RBFOX1: variants seen among roughly 807,000 people sequenced by gnomAD.
RBFOX1 encodes RNA binding protein fox-1 homolog 1.
A neutral mutation model predicts 57.7 loss-of-function variants in RBFOX1; 8 were observed. The observed-to-expected ratio is 0.14, with a 90% CI of 0.08 to 0.25. The LOEUF (loss-of-function observed/expected upper bound fraction) is 0.25, where lower values mean the gene tolerates loss of function less well. Ranked by LOEUF, RBFOX1 falls within the 10% of genes least tolerant of loss-of-function variation. The pLI, the probability that RBFOX1 is intolerant of heterozygous loss-of-function variation, is 1.00. For synonymous variants in RBFOX1, 326 were observed against 222.4 expected (o/e 1.47, Z -4.15); for missense variants, 611 against 548.5 (o/e 1.11, Z -1.14).
In RBFOX1 at chr16:7,329,922, A is replaced by G. The variant is rs1473948519; in HGVS notation, c.28-188225A>G. Among the ~76,000 whole-genome samples, 5 of 152,322 alleles carry G rather than the reference A, an allele frequency of 3.3e-5. No individual in the cohort carries two copies. The South Asian group carries it at 6.2e-4, about 19-fold the overall frequency. On this transcript the variant is annotated intron_variant, in intron 4 of 15. Transcript: ENST00000550418. ...TCAGCAGATTCTTTTATATATAAGC[A>G]TATATACACACAGTCACGTGTCCCT... is the stretch of plus-strand genomic sequence containing the variant.
At chr16:5,634,789 C>T (rs529231931) in intron 3 of RBFOX1, among the ~76,000 whole-genome samples, 2 of 152,250 alleles carry the variant, frequency 1.3e-5, no homozygotes, top group East Asian at 3.9e-4. Flanking sequence ...AGATTCTGTC[C>T]AGATGGCATA....
intron 1 of RBFOX1, among the ~76,000 whole-genome samples, chr16:6,195,547 A>G (rs1292523131): frequency 6.6e-6 from 1 of 152,060 alleles, no homozygotes; most frequent in African/African-American, 2.4e-5. Context: ...GAGAAACCCC[A>G]TGTCTACTAA....
At chr16:6,175,819 C>T (rs1008507531) in intron 1 of RBFOX1, among the ~76,000 whole-genome samples, 1 of 152,042 alleles carries the variant, frequency 6.6e-6, no homozygotes, top group Non-Finnish European at 1.5e-5. Context: ...GAAGAGGACC[C>T]ACACGGGGAC....
chr16:7,655,888 T>C (rs1407584204), intron 12 of RBFOX1, among the ~76,000 whole-genome samples: 4 of 152,190 alleles, frequency 2.6e-5, no homozygotes, highest in Admixed American at 6.5e-5. Context: ...AAAATCAAAA[T>C]TAAATTAGCT....
At chr16:5,515,768 C>T (rs924815827) in intron 2 of RBFOX1, among the ~76,000 whole-genome samples, 1 of 152,136 alleles carries the variant, frequency 6.6e-6, no homozygotes, top group Non-Finnish European at 1.5e-5. Flanking sequence ...GACTTGCTGC[C>T]TCTTGAAAAG....
At chr16:7,113,500 C>G (rs576851594) in intron 4 of RBFOX1, among the ~76,000 whole-genome samples, 1 of 152,228 alleles carries the variant, frequency 6.6e-6, no homozygotes, top group South Asian at 2.1e-4. Context: ...GAATCAGATT[C>G]CATTGCTGAT....
In RBFOX1 at chr16:6,944,558, C is replaced by T. The variant is rs560421676; in HGVS notation, c.-15-107499C>T. ...ACGATCTGGTATATTTTGTAGACCT[C>T]TTAGGAAATGTGTACATTAAGAGAC... is the stretch of plus-strand genomic sequence containing the variant. On this transcript the variant is annotated intron_variant, in intron 3 of 15. Transcript: ENST00000550418. 2.0e-3 allele frequency among the ~76,000 whole-genome samples: 298 copies of T among 152,224 alleles called. 1 individual carries two copies. Among genetic ancestry groups the T allele is most frequent in the African/African-American group, 6.8e-3 (281 of 41,532 alleles).
intron 4 of RBFOX1, among the ~76,000 whole-genome samples, chr16:5,935,505 T>G (rs2059150462): frequency 6.6e-6 from 1 of 152,106 alleles, no homozygotes; most frequent in South Asian, 2.1e-4. Flanking sequence ...TACCTGGCCC[T>G]GGGGTGATTA....
chr16:5,811,563 G>T (rs2055433528), intron 3 of RBFOX1, among the ~76,000 whole-genome samples: 1 of 151,256 alleles, frequency 6.6e-6, no homozygotes, highest in African/African-American at 2.4e-5. Context: ...TGATTTTCCT[G>T]CCTCAGCCTC....
intron 2 of RBFOX1, among the ~76,000 whole-genome samples, chr16:6,329,449 G>A (rs1011471004): frequency 3.3e-5 from 5 of 152,132 alleles, no homozygotes; most frequent in Admixed American, 6.5e-5. Flanking sequence ...TGGAGTCTAC[G>A]CTCTTGACCA....
chr16:6,538,814 C>G lies in RBFOX1; in HGVS notation c.-63-115789C>G, dbSNP rs568811922. On this transcript the variant is annotated intron_variant, in intron 2 of 15. Coordinates refer to ENST00000550418, the MANE Select transcript of RBFOX1 (RefSeq NM_018723.4). ...CTGTCTTGTTTGCTAATATGCGGTT[C>G]TTTGTCCTGTATCCATTCAGTAGCC... Among the ~76,000 whole-genome samples the G allele has an allele frequency of 1.8e-3, 267 of 152,142 alleles. 2 individuals carry two copies. The highest frequency in any genetic ancestry group is 6.2e-3 in the African/African-American group (259 of 41,492).
intron 4 of RBFOX1, among the ~76,000 whole-genome samples, chr16:5,977,237 TG>T (rs2060082860): frequency 6.6e-6 from 1 of 152,202 alleles, no homozygotes; most frequent in African/African-American, 2.4e-5. Context: ...AAATGGTTGA[TG>T]ATGGCTCCTC....
intron 4 of RBFOX1, among the ~76,000 whole-genome samples, chr16:7,115,330 A>G (rs2151675587): frequency 6.6e-6 from 1 of 152,314 alleles, no homozygotes; most frequent in East Asian, 1.9e-4. Flanking sequence ...CTTTGGATGC[A>G]TGGAAGCGAA....
At chr16:6,496,141 A>C (rs1266489543) in intron 2 of RBFOX1, among the ~76,000 whole-genome samples, 1 of 151,742 alleles carries the variant, frequency 6.6e-6, no homozygotes, top group Non-Finnish European at 1.5e-5. Flanking sequence ...GGGAATTTGG[A>C]AAGGCATGGC....
intron 3 of RBFOX1, among the ~76,000 whole-genome samples, chr16:5,754,587 A>C (rs913561175): frequency 1.5e-5 from 2 of 132,056 alleles, no homozygotes; most frequent in African/African-American, 5.9e-5. Flanking sequence ...TGTTTCTCGA[A>C]GAGGGGGATG....
At chr16:6,150,408 G>C (rs934088899) in intron 1 of RBFOX1, among the ~76,000 whole-genome samples, 4 of 152,082 alleles carry the variant, frequency 2.6e-5, no homozygotes, top group African/African-American at 9.7e-5. Context: ...GTAAACAACA[G>C]TGCCCAGGTG....
At chr16:6,042,102 CTT>C (rs35458939) in intron 1 of RBFOX1, among the ~76,000 whole-genome samples, 9 of 140,852 alleles carry the variant, frequency 6.4e-5, no homozygotes, top group African/African-American at 5.2e-5. Context: ...CTCTCTCCTA[CTT>C]TTTTTTTTTT....
chr16:7,398,091 G>A (rs1250451257), intron 4 of RBFOX1, among the ~76,000 whole-genome samples: 1 of 152,136 alleles, frequency 6.6e-6, no homozygotes, highest in Non-Finnish European at 1.5e-5. Flanking sequence ...GGTTGTTCAT[G>A]AGTAATTGAT....
chr16:5,382,945 C>T (rs573247803), intron 1 of RBFOX1, among the ~76,000 whole-genome samples: 1 of 152,284 alleles, frequency 6.6e-6, no homozygotes, highest in African/African-American at 2.4e-5. Context: ...GGGTTTCAGA[C>T]CCCAGTGTGC....
Sources: allele counts gnomAD v4.1 joint callset (sites outside exome capture counted in the v4.1 genomes callset), GRCh38; gene constraint gnomAD v4.1.1; transcripts MANE v1.5; gene names NCBI Gene and HGNC (gene_info 2026-07-23, HGNC 2026-07-21).